The following MLANA variants were observed in gnomAD, a reference collection of about 807,000 sequenced individuals.
The protein encoded by MLANA is melan-A, also known as melanoma antigen recognized by T-cells 1.
A neutral mutation model predicts 15.7 loss-of-function variants in MLANA; 21 were observed. The observed-to-expected ratio is 1.33, with a 90% CI of 0.95 to 1.92. MLANA has a LOEUF of 1.92. Ranked by LOEUF, MLANA falls within the 40% of genes most tolerant of loss-of-function variation. The pLI is 0.00. For synonymous variants in MLANA, 56 were observed against 51.5 expected (o/e 1.09, Z -0.37); for missense variants, 164 against 143.8 (o/e 1.14, Z -0.72).
intron 3 of MLANA, among the ~76,000 whole-genome samples, chr9:5,900,368 T>C (rs1487399416): frequency 1.3e-5 from 2 of 152,150 alleles, no homozygotes; most frequent in African/African-American, 2.4e-5. Flanking sequence ...AATTTCCATA[T>C]TTATTTTTTA....
Position 5,897,612 on chromosome 9 carries a change from T to A in MLANA, c.133T>A (p.Cys45Ser). 6.2e-7 allele frequency: 1 copy of A among 1,614,134 alleles called. No individual in the cohort carries two copies. The highest frequency in any genetic ancestry group is 8.5e-7 in the Non-Finnish European group (1 of 1,179,952). The change falls in exon 3 of 5, where the codon TGT becomes AGT. Residue 45 changes from cysteine to serine, a missense_variant. By Grantham distance (112) the Cys-to-Ser change is moderately radical. Transcript: ENST00000381477. ...CCTGGGAGTCTTACTGCTCATCGGC[T>A]GTTGGTATTGTAGAAGACGAAATGG... Reference protein sequence around the residue: ...VILGVLLLIGCWYCRRRNGYR... With the variant: ...VILGVLLLIGSWYCRRRNGYR...
rs918876039 is a variant in MLANA at position 5,910,529 on chromosome 9, G to A, written c.*1821G>A. The A allele has an allele frequency of 2.0e-5, 3 of 152,086 alleles. No individual in the cohort carries two copies. Among genetic ancestry groups the A allele is most frequent in the African/African-American group, 7.2e-5 (3 of 41,410 alleles). The allele number at this position is 152,086 out of a possible 1,614,324, so 9.4% of individuals were successfully genotyped here. A position where few individuals can be genotyped will look rare whatever the true frequency, so the allele number is the denominator to read the frequency against. On this transcript the variant is annotated 3_prime_UTR_variant, in exon 5 of 5. Coordinates refer to ENST00000381477, the MANE Select transcript of MLANA (RefSeq NM_005511.2). ...TGGGTACCTCCTCCCCTCACCACGA[G>A]GTCTCTGCTGAACCTCAATCCTGTA...
At position 5,892,555 on chromosome 9, in the gene MLANA, A is replaced by C; in HGVS notation, c.77+4A>C. On this transcript the variant is annotated splice_donor_region_variant and intron_variant, in intron 2 of 4. Coordinates refer to ENST00000381477, the MANE Select transcript of MLANA (RefSeq NM_005511.2). Reference sequence around the variant, plus strand: ...ACTCTTACACCACGGCTGAAGAGTAAGTTCAAAACCAGACCCAGCAGGGCT... The same window carrying C: ...ACTCTTACACCACGGCTGAAGAGTACGTTCAAAACCAGACCCAGCAGGGCT... 6.2e-7 allele frequency: 1 copy of C among 1,611,928 alleles called. No homozygotes were observed. The highest frequency in any genetic ancestry group is 1.3e-5 in the African/African-American group (1 of 74,868).
chr9:5,893,953 G>T (rs1485845284), intron 2 of MLANA, among the ~76,000 whole-genome samples: 2 of 143,858 alleles, frequency 1.4e-5, no homozygotes, highest in African/African-American at 5.2e-5. Flanking sequence ...CATTCTTGCT[G>T]TGTTGTAAAT....
intron 4 of MLANA, 58 bp downstream of exon 4, chr9:5,907,056 A>T: frequency 9.0e-7 from 1 of 1,105,318 alleles, no homozygotes; most frequent in Non-Finnish European, 1.3e-6. Flanking sequence ...AACTCAAGTG[A>T]ATACAATTAT....
At chr9:5,901,675 C>A (rs144500651) in intron 3 of MLANA, among the ~76,000 whole-genome samples, 1 of 152,082 alleles carries the variant, frequency 6.6e-6, no homozygotes, top group Non-Finnish European at 1.5e-5. Flanking sequence ...TAAGCCACCA[C>A]GCCTGGCTAA....
At chr9:5,896,161 T>C (rs7037587) in intron 2 of MLANA, among the ~76,000 whole-genome samples, 45,772 of 152,134 alleles carry the variant, frequency 0.3, 7,158 homozygotes, top group East Asian at 0.48. Context: ...ACTTGCTGGT[T>C]GTGCAGCCCT....
intron 3 of MLANA, among the ~76,000 whole-genome samples, chr9:5,904,655 T>G (rs1832679796): frequency 6.6e-6 from 1 of 152,122 alleles, no homozygotes; most frequent in Non-Finnish European, 1.5e-5. Context: ...GTATTTTTAG[T>G]AGAGACGGGG....
intron 4 of MLANA, among the ~76,000 whole-genome samples, chr9:5,908,126 G>C (rs1008266509): frequency 6.6e-6 from 1 of 152,160 alleles, no homozygotes; most frequent in African/African-American, 2.4e-5. Context: ...ATGGGCAAGC[G>C]AGTTAACCTC....
At chr9:5,892,196 C>CT (rs962414318) in intron 1 of MLANA, among the ~76,000 whole-genome samples, 1 of 152,092 alleles carries the variant, frequency 6.6e-6, no homozygotes, top group East Asian at 1.9e-4. Context: ...ACTTGCAAGT[C>CT]TTTTTTGCTT....
intron 2 of MLANA, among the ~76,000 whole-genome samples, chr9:5,893,621 T>C (rs751576190): frequency 1.3e-5 from 2 of 152,176 alleles, no homozygotes; most frequent in Admixed American, 6.5e-5. Context: ...GGGGAGCCCA[T>C]TGCCCGTGCT....
At chr9:5,903,354 T>C (rs973900616) in intron 3 of MLANA, among the ~76,000 whole-genome samples, 3 of 152,232 alleles carry the variant, frequency 2.0e-5, no homozygotes, top group African/African-American at 7.2e-5. Flanking sequence ...AAGATTTTGT[T>C]GAGTTCCACT....
intron 2 of MLANA, among the ~76,000 whole-genome samples, chr9:5,897,154 A>G (rs1364491030): frequency 6.6e-6 from 1 of 152,266 alleles, no homozygotes; most frequent in Non-Finnish European, 1.5e-5. Context: ...TTAGTAGATG[A>G]GTCAGTGTTA....
At chr9:5,896,735 TCTTTGTGGTAA>T (rs1244523144) in intron 2 of MLANA, among the ~76,000 whole-genome samples, 2 of 152,208 alleles carry the variant, frequency 1.3e-5, no homozygotes, top group East Asian at 3.9e-4. Flanking sequence ...GTTTCCAGGG[TCTTTGTGGTAA>T]CTTTGTGGTA....
intron 2 of MLANA, among the ~76,000 whole-genome samples, chr9:5,892,880 G>C (rs950216901): frequency 1.3e-5 from 2 of 152,130 alleles, no homozygotes; most frequent in African/African-American, 4.8e-5. Flanking sequence ...CTCAATCCTT[G>C]TTCTGTCTCC....
intron 1 of MLANA, 89 bp from the exon 2 acceptor site, chr9:5,892,361 C>T: frequency 1.2e-6 from 1 of 850,120 alleles, no homozygotes; most frequent in Non-Finnish European, 1.8e-6. Flanking sequence ...TATTGGTCAC[C>T]TAGTGAGGAT....
chr9:5,904,930 T>C (rs949784637), intron 3 of MLANA, among the ~76,000 whole-genome samples: 2 of 151,996 alleles, frequency 1.3e-5, no homozygotes, highest in Non-Finnish European at 2.9e-5. Context: ...CCCGCTACCA[T>C]GCCTGGCTAA....
chr9:5,907,104 T>C lies in MLANA; in HGVS notation c.288+106T>C, dbSNP rs1396917243. The C allele has an allele frequency of 4.0e-5, 28 of 707,448 alleles. No individual in the cohort carries two copies. In the South Asian group the frequency reaches 6.7e-4, roughly 17 times the overall value. 43.8% of individuals were successfully genotyped at this position (707,448 alleles called of 1,614,324 possible). On this transcript the variant is annotated intron_variant, in intron 4 of 4. Coordinates refer to ENST00000381477, the MANE Select transcript of MLANA (RefSeq NM_005511.2). ...AGCAAGGACAATGTGAATGTACTCA[T>C]TGCCACTGAACTATATACACCTAAA... is the stretch of plus-strand genomic sequence containing the variant.
In MLANA at chr9:5,894,427, C is replaced by T. The variant is rs1034777872; in HGVS notation, c.77+1876C>T. 1.3e-5 allele frequency among the ~76,000 whole-genome samples: 2 copies of T among 152,290 alleles called. No homozygotes were observed. The highest frequency in any genetic ancestry group is 1.3e-4 in the Admixed American group (2 of 15,294). Reference sequence around the variant, plus strand: ...ACCCACAGAATGCTGCTTCTACCCCCGTGTCTGGGGTAACAAACGGAAGGG... The same window carrying T: ...ACCCACAGAATGCTGCTTCTACCCCTGTGTCTGGGGTAACAAACGGAAGGG... On this transcript the variant is annotated intron_variant, in intron 2 of 4. Coordinates refer to ENST00000381477, the MANE Select transcript of MLANA (RefSeq NM_005511.2). The surrounding 1 kb of genome is among the most constrained non-coding windows in gnomAD (Gnocchi z 4.0).
Sources: allele counts gnomAD v4.1 joint callset (sites outside exome capture counted in the v4.1 genomes callset), GRCh38; gene constraint gnomAD v4.1.1; non-coding constraint Gnocchi (gnomAD v3.1); transcripts MANE v1.5; gene names NCBI Gene and HGNC (gene_info 2026-07-23, HGNC 2026-07-21).